DMXL1: variants seen among roughly 807,000 people sequenced by gnomAD.
The protein encoded by DMXL1 is dmX-like protein 1.
In DMXL1, 99 loss-of-function variants were observed where a neutral mutation model predicts 319.2. The ratio of observed to expected loss-of-function variants is 0.31; its 90% CI spans 0.26 to 0.37. The LOEUF is 0.37. Ranked by LOEUF, DMXL1 falls within the 10% of genes least tolerant of loss-of-function variation. The pLI, the probability that DMXL1 is intolerant of heterozygous loss-of-function variation, is 1.00. For missense variants in DMXL1, 3,745 were observed against 3,595.6 expected, an observed-to-expected ratio of 1.04 and a Z score of -1.06; for synonymous variants, 1,385 against 1,235.2, an observed-to-expected ratio of 1.12 and a Z score of -2.54.
intron 34 of DMXL1, among the ~76,000 whole-genome samples, chr5:119,211,678 C>T (rs1379793781): frequency 6.6e-6 from 1 of 152,192 alleles, no homozygotes; most frequent in Non-Finnish European, 1.5e-5. Flanking sequence ...TTCAGTTATG[C>T]CTTCGGCATT....
chr5:119,106,407 A>G (rs1758356046), intron 4 of DMXL1, among the ~76,000 whole-genome samples: 1 of 152,200 alleles, frequency 6.6e-6, no homozygotes, highest in South Asian at 2.1e-4. Context: ...GAGAGACATA[A>G]TTTATTGGGA....
chr5:119,156,807 C>T (rs758405494), intron 19 of DMXL1, among the ~76,000 whole-genome samples: 21 of 152,026 alleles, frequency 1.4e-4, no homozygotes, highest in Non-Finnish European at 2.9e-4. Flanking sequence ...TACCAGGCTC[C>T]CCTTTTCGCC....
chr5:119,235,399 G>C (rs1561938279), intron 39 of DMXL1, among the ~76,000 whole-genome samples: 1 of 152,084 alleles, frequency 6.6e-6, no homozygotes, highest in Non-Finnish European at 1.5e-5. Context: ...TGTGGTCAGT[G>C]GGGGAACTAC....
chr5:119,177,251 G>A, intron 26 of DMXL1, 106 bp from the exon 27 acceptor site: 1 of 656,060 alleles, frequency 1.5e-6, no homozygotes, highest in Non-Finnish European at 2.4e-6. Context: ...AGATGTACTA[G>A]CAGTATAATT....
At chr5:119,081,881 A>G (rs1752257077) in intron 1 of DMXL1, among the ~76,000 whole-genome samples, 1 of 151,932 alleles carries the variant, frequency 6.6e-6, no homozygotes, top group South Asian at 2.1e-4. Flanking sequence ...CTATCTAAAA[A>G]TATGAGAAAG....
At chr5:119,129,688 A>G (rs1764380633) in intron 10 of DMXL1, among the ~76,000 whole-genome samples, 1 of 152,206 alleles carries the variant, frequency 6.6e-6, no homozygotes, top group Non-Finnish European at 1.5e-5. Context: ...TCTGTAGACT[A>G]GCAGCATTGG....
At position 119,120,961 on chromosome 5, in the gene DMXL1, A is replaced by C. The variant is rs761382170; in HGVS notation, c.934-10A>C. Reference sequence around the variant, plus strand: ...CAATATAGGTATTAGTTTTGTTTCTATTCACACAGGTAAATCTGAGACATT... The same window carrying C: ...CAATATAGGTATTAGTTTTGTTTCTCTTCACACAGGTAAATCTGAGACATT... On this transcript the variant is annotated splice_polypyrimidine_tract_variant and intron_variant, in intron 8 of 43. Transcript: ENST00000539542. 1.9e-6 allele frequency: 3 copies of C among 1,601,440 alleles called. No individual in the cohort carries two copies. Among genetic ancestry groups the C allele is most frequent in the South Asian group, 1.1e-5 (1 of 88,414 alleles).
chr5:119,154,004 A>G (rs1393325429), intron 19 of DMXL1, among the ~76,000 whole-genome samples: 1 of 152,200 alleles, frequency 6.6e-6, no homozygotes, highest in Non-Finnish European at 1.5e-5. Context: ...TGTTACTATT[A>G]TAATGGTTTT....
chr5:119,203,038 A>G (rs909742166), intron 32 of DMXL1, among the ~76,000 whole-genome samples: 1 of 151,800 alleles, frequency 6.6e-6, no homozygotes, highest in African/African-American at 2.4e-5. Context: ...TATGAAATTC[A>G]AAATACTTCT....
chr5:119,128,422 G>T, intron 9 of DMXL1: 1 of 202,014 alleles, frequency 5.0e-6, no homozygotes, highest in Non-Finnish European at 1.0e-5. Context: ...CTCCTCAGCA[G>T]CAGATCTCTT....
chr5:119,214,186 C>A (rs1783276536), intron 34 of DMXL1, among the ~76,000 whole-genome samples: 1 of 152,178 alleles, frequency 6.6e-6, no homozygotes, highest in Non-Finnish European at 1.5e-5. Context: ...CTGTCCATCT[C>A]AGTAAATGGT....
intron 9 of DMXL1, chr5:119,127,277 C>A: frequency 4.5e-6 from 1 of 223,692 alleles, no homozygotes; most frequent in South Asian, 8.3e-5. Flanking sequence ...CTGCCTTCCT[C>A]TGACTCTCTT....
chr5:119,090,039 A>G (rs1253453985), intron 1 of DMXL1, among the ~76,000 whole-genome samples: 4 of 19,826 alleles, frequency 2.0e-4, no homozygotes, highest in African/African-American at 7.1e-4. Flanking sequence ...TTTTTTTTTG[A>G]GAAGGACTTT....
At chr5:119,205,973 G>A (rs983445059) in intron 33 of DMXL1, among the ~76,000 whole-genome samples, 3 of 152,014 alleles carry the variant, frequency 2.0e-5, no homozygotes, top group Admixed American at 6.6e-5. Context: ...AGTATTCTGA[G>A]AACTGCTCTT....
intron 29 of DMXL1, among the ~76,000 whole-genome samples, chr5:119,192,572 G>T (rs1778886222): frequency 6.6e-6 from 1 of 152,000 alleles, no homozygotes; most frequent in Non-Finnish European, 1.5e-5. Context: ...AACTGATCTT[G>T]TTGAGATTCA....
At chr5:119,129,738 C>T (rs1764394998) in intron 10 of DMXL1, among the ~76,000 whole-genome samples, 1 of 152,256 alleles carries the variant, frequency 6.6e-6, no homozygotes, top group South Asian at 2.1e-4. Flanking sequence ...TCTCAAGGTC[C>T]ACACAGACCC....
intron 5 of DMXL1, among the ~76,000 whole-genome samples, chr5:119,114,085 T>C (rs987167945): frequency 2.3e-4 from 35 of 152,312 alleles, no homozygotes; most frequent in African/African-American, 7.9e-4. Context: ...AATCTTTAAT[T>C]AGGTAAGTAT....
At chr5:119,229,515 C>A (rs1007083364) in intron 38 of DMXL1, among the ~76,000 whole-genome samples, 1 of 152,092 alleles carries the variant, frequency 6.6e-6, no homozygotes, top group Non-Finnish European at 1.5e-5. Context: ...TACACAAACC[C>A]TGTATAGCAT....
chr5:119,159,070 T>G (rs1405532223), intron 19 of DMXL1, among the ~76,000 whole-genome samples: 1 of 152,220 alleles, frequency 6.6e-6, no homozygotes, highest in African/African-American at 2.4e-5. Flanking sequence ...TTTAAATGTT[T>G]AGTAGAATTC....
Sources: gnomAD v4.1 joint callset for allele counts (sites outside exome capture counted in the v4.1 genomes callset) on GRCh38, gnomAD v4.1.1 for gene constraint, MANE v1.5 for transcripts, NCBI Gene and HGNC (gene_info 2026-07-23, HGNC 2026-07-21) for gene names.